The following RNF6 variants were observed in gnomAD, a reference collection of about 807,000 sequenced individuals.
The protein encoded by RNF6 is ring finger protein 6.
In RNF6, 21 loss-of-function variants were observed where a neutral mutation model predicts 50.1. That is an observed-to-expected ratio of 0.42 (90% CI 0.30 to 0.60). RNF6 has a LOEUF of 0.60. Ranked by LOEUF, RNF6 falls within the 20% of genes least tolerant of loss-of-function variation. The pLI, the probability that RNF6 is intolerant of heterozygous loss-of-function variation, is 0.20. For missense variants in RNF6, 698 were observed against 838.2 expected (o/e 0.83, Z 2.07); for synonymous variants, 255 against 291.8 (o/e 0.87, Z 1.29).
chr13:26,217,801 G>A lies in RNF6; in HGVS notation c.289+710C>T, dbSNP rs550937145. ...ACATGTGGCTAGCAGCTACTGTACTGAACAGCACAGTTGTAGAATCATTCT... is the reference window on the plus strand; with the variant it reads ...ACATGTGGCTAGCAGCTACTGTACTAAACAGCACAGTTGTAGAATCATTCT... On this transcript the variant is annotated intron_variant, in intron 4 of 4. Coordinates refer to ENST00000381588, the MANE Select transcript of RNF6 (RefSeq NM_005977.4). Among the ~76,000 whole-genome samples, 5 of 152,238 alleles carry A rather than the reference G, an allele frequency of 3.3e-5. No homozygotes were observed. In the South Asian group the frequency reaches 1.0e-3, roughly 32 times the overall value.
intron 5 of RNF6, among the ~76,000 whole-genome samples, chr13:26,139,151 A>T (rs1288468993): frequency 6.6e-6 from 1 of 152,088 alleles, no homozygotes; most frequent in East Asian, 1.9e-4. Context: ...CACCTTTTAT[A>T]TGCAAACTGA....
At chr13:26,145,310 G>T (rs1310981728) in intron 5 of RNF6, among the ~76,000 whole-genome samples, 2 of 152,148 alleles carry the variant, frequency 1.3e-5, no homozygotes, top group African/African-American at 4.8e-5. Context: ...TCGGAATGTG[G>T]TGGGAATCAC....
rs116715251 is a variant in RNF6, at chr13:26,153,229, T to C, written n.769-20778A>G. Among the ~76,000 whole-genome samples, 796 of 152,072 alleles carry C rather than the reference T, an allele frequency of 5.2e-3. 11 individuals carry two copies. The highest frequency in any genetic ancestry group is 0.018 in the African/African-American group (752 of 41,468). On this transcript the variant is annotated intron_variant and non_coding_transcript_variant, in intron 5 of 5. Coordinates refer to the RNF6 transcript ENST00000468480. ...TTTTATTTTATTTTATGTATTTTTT[T>C]CCAAGATGGAGTCTTGCTCTGTCGC...
intron 5 of RNF6, among the ~76,000 whole-genome samples, chr13:26,144,617 T>A (rs890692620): frequency 1.3e-5 from 2 of 152,226 alleles, no homozygotes; most frequent in Admixed American, 1.3e-4. Context: ...CAATGACCAC[T>A]GTCCTTCAAG....
intron 5 of RNF6, among the ~76,000 whole-genome samples, chr13:26,148,634 A>ATATT (rs1223938760): frequency 1.3e-5 from 1 of 75,398 alleles, no homozygotes; most frequent in Non-Finnish European, 3.0e-5. Context: ...AAATCTCTTT[A>ATATT]TATATATATA....
chr13:26,187,116 T>C (rs577733726), intron 5 of RNF6, among the ~76,000 whole-genome samples: 100 of 137,798 alleles, frequency 7.3e-4, no homozygotes, highest in African/African-American at 2.5e-3. Context: ...TGGCCTGAGG[T>C]CCGGGACTGG....
At chr13:26,144,933 G>T (rs1871150061) in intron 5 of RNF6, 3 of 152,132 alleles carry the variant, frequency 2.0e-5, no homozygotes, top group Admixed American at 2.0e-4. Context: ...TGGCTTGGTG[G>T]GTCCAGTCAG....
At chr13:26,145,784 G>A (rs1455617583) in intron 5 of RNF6, among the ~76,000 whole-genome samples, 1 of 152,198 alleles carries the variant, frequency 6.6e-6, no homozygotes, top group African/African-American at 2.4e-5. Context: ...TTGCAGGATT[G>A]CTTTTGGTTT....
rs9578969 is a variant in RNF6 at position 26,154,681 on chromosome 13, G to A, written n.769-22230C>T. ...CATGATAAGTTAGGTGTACATATAT[G>A]TTAAGGCAATAAGCAAGACTTATTC... On this transcript the variant is annotated intron_variant and non_coding_transcript_variant, in intron 5 of 5. Transcript: ENST00000468480. Among the ~76,000 whole-genome samples the A allele has an allele frequency of 9.8e-3, 1,497 of 152,236 alleles. 28 individuals are homozygous for A. Among genetic ancestry groups the A allele is most frequent in the African/African-American group, 0.034 (1,429 of 41,512 alleles).
intron 3 of RNF6, chr13:26,219,239 T>C (rs1870217077): frequency 4.9e-6 from 2 of 412,144 alleles, no homozygotes; most frequent in Admixed American, 8.0e-5. Flanking sequence ...GTTTGGCATT[T>C]GTATAATAGT....
chr13:26,173,237 C>T (rs1315396748), intron 5 of RNF6, among the ~76,000 whole-genome samples: 1 of 152,196 alleles, frequency 6.6e-6, no homozygotes. Context: ...AAAACTCATA[C>T]ATGTATGCAA....
At chr13:26,150,790 AT>A (rs1378236723) in intron 5 of RNF6, 1 of 152,214 alleles carries the variant, frequency 6.6e-6, no homozygotes, top group Non-Finnish European at 1.5e-5. Flanking sequence ...ACATTTCATT[AT>A]TTAACAGTAA....
chr13:26,189,189 G>A (rs1224037735), intron 5 of RNF6, among the ~76,000 whole-genome samples: 1 of 152,078 alleles, frequency 6.6e-6, no homozygotes, highest in African/African-American at 2.4e-5. Flanking sequence ...TTAGCTGGGT[G>A]TGGTGGCGGG....
intron 5 of RNF6, among the ~76,000 whole-genome samples, chr13:26,137,339 C>G (rs1244179601): frequency 6.6e-6 from 1 of 151,562 alleles, no homozygotes; most frequent in Non-Finnish European, 1.5e-5. Flanking sequence ...TGAGCAGCAA[C>G]AAAAACAAAT....
chr13:26,148,634 A>T (rs1315031052), intron 5 of RNF6, among the ~76,000 whole-genome samples: 3 of 75,398 alleles, frequency 4.0e-5, no homozygotes, highest in African/African-American at 8.5e-5. Flanking sequence ...AAATCTCTTT[A>T]TATATATATA....
At chr13:26,151,979 C>A (rs373588153) in intron 5 of RNF6, among the ~76,000 whole-genome samples, 1 of 152,146 alleles carries the variant, frequency 6.6e-6, no homozygotes, top group African/African-American at 2.4e-5. Flanking sequence ...GAGCTGCTCA[C>A]GACTGCCACT....
chr13:26,219,701 T>G (rs372979470), intron 2 of RNF6, 34 bp from the exon 3 acceptor site: 2 of 1,563,414 alleles, frequency 1.3e-6, no homozygotes, highest in Admixed American at 3.5e-5. Flanking sequence ...TTCAAGGTGT[T>G]AAGTCATGGA....
intron 5 of RNF6, among the ~76,000 whole-genome samples, chr13:26,187,339 G>C (rs1392766039): frequency 6.6e-6 from 1 of 152,230 alleles, no homozygotes; most frequent in African/African-American, 2.4e-5. Flanking sequence ...AGGCAAGGCT[G>C]ATGGCCTTGG....
intron 5 of RNF6, among the ~76,000 whole-genome samples, chr13:26,157,963 A>C (rs753080631): frequency 8.3e-6 from 1 of 120,388 alleles, no homozygotes; most frequent in South Asian, 2.8e-4. Context: ...TAGAAGATAG[A>C]TAGATAGATA....
Sources: allele counts gnomAD v4.1 joint callset (sites outside exome capture counted in the v4.1 genomes callset), GRCh38; gene constraint gnomAD v4.1.1; transcripts MANE v1.5; gene names NCBI Gene and HGNC (gene_info 2026-07-23, HGNC 2026-07-21).